Variants in TSPAN12 observed in about 807,000 individuals in gnomAD.
TSPAN12 encodes the protein tetraspanin 12, also known as tetraspanin-12.
TSPAN12 carries 19 observed loss-of-function variants against 39.2 expected under a neutral mutation model. The observed-to-expected ratio is 0.49, with a 90% CI of 0.34 to 0.71. The LOEUF (loss-of-function observed/expected upper bound fraction) is 0.71, where lower values mean the gene tolerates loss of function less well. Among genes scored for constraint, TSPAN12 ranks in the 30% least tolerant of loss-of-function variants. The pLI is 0.01. For synonymous variants in TSPAN12, 119 were observed against 124.8 expected, an observed-to-expected ratio of 0.95 and a Z score of 0.31; for missense variants, 314 against 359.9, an observed-to-expected ratio of 0.87 and a Z score of 1.03.
chr7:120,788,921 C>T (rs1793464754), intron 7 of TSPAN12, 24 bp from the exon 8 acceptor site: 8 of 1,612,782 alleles, frequency 5.0e-6, no homozygotes, highest in Non-Finnish European at 6.8e-6. Context: ...ACATGGTCAA[C>T]ATTACTTTAG....
chr7:120,835,864 G>A (rs1004070636), intron 4 of TSPAN12, among the ~76,000 whole-genome samples: 1 of 152,196 alleles, frequency 6.6e-6, no homozygotes, highest in Non-Finnish European at 1.5e-5. Flanking sequence ...TAAGAAGACA[G>A]CAAGAATAAA....
intron 2 of TSPAN12, among the ~76,000 whole-genome samples, chr7:120,841,869 T>C (rs1157284618): frequency 6.6e-6 from 1 of 152,150 alleles, no homozygotes; most frequent in Non-Finnish European, 1.5e-5. Flanking sequence ...TTTTCTACTT[T>C]GGTACATGTT....
chr7:120,823,076 A>G (rs1002952549), intron 4 of TSPAN12, among the ~76,000 whole-genome samples: 2 of 152,172 alleles, frequency 1.3e-5, no homozygotes, highest in Non-Finnish European at 2.9e-5. Context: ...AAATTTTCCT[A>G]TGAATGCTTT....
At chr7:120,837,788 C>T (rs796212341) in intron 4 of TSPAN12, among the ~76,000 whole-genome samples, 1 of 152,204 alleles carries the variant, frequency 6.6e-6, no homozygotes, top group Non-Finnish European at 1.5e-5. Flanking sequence ...CAGTCAAGCA[C>T]GAGTGTGTGG....
chr7:120,847,296 A>C (rs1006619574), intron 2 of TSPAN12, among the ~76,000 whole-genome samples: 2 of 152,066 alleles, frequency 1.3e-5, no homozygotes, highest in African/African-American at 4.8e-5. Context: ...AATTACTGCA[A>C]GTCACTTTAG....
intron 4 of TSPAN12, 104 bp downstream of exon 4, chr7:120,838,670 ATGT>A: frequency 8.6e-7 from 1 of 1,168,560 alleles, no homozygotes; most frequent in Non-Finnish European, 1.2e-6. Context: ...TTCTTACAGG[ATGT>A]TGTTACTGCT....
At chr7:120,832,145 G>T (rs936206620) in intron 4 of TSPAN12, among the ~76,000 whole-genome samples, 1 of 151,890 alleles carries the variant, frequency 6.6e-6, no homozygotes, top group African/African-American at 2.4e-5. Context: ...CCTCAGCAAG[G>T]TTTACTGATT....
At chr7:120,827,497 AAAATGATGTAT>A (rs1212316546) in intron 4 of TSPAN12, among the ~76,000 whole-genome samples, 1 of 152,222 alleles carries the variant, frequency 6.6e-6, no homozygotes, top group African/African-American at 2.4e-5. Flanking sequence ...TCAGAGAAGA[AAAATGATGTAT>A]AAACAACGAT....
At chr7:120,832,842 A>G (rs558555346) in intron 4 of TSPAN12, among the ~76,000 whole-genome samples, 2 of 152,288 alleles carry the variant, frequency 1.3e-5, no homozygotes, top group South Asian at 4.1e-4. Context: ...TAGAAATTTT[A>G]AAGTTCATTT....
chr7:120,837,378 C>T (rs1419709997), intron 4 of TSPAN12, among the ~76,000 whole-genome samples: 5 of 148,410 alleles, frequency 3.4e-5, no homozygotes, highest in Non-Finnish European at 7.4e-5. Flanking sequence ...GTGACGTGAT[C>T]TCGGCTCACT....
chr7:120,845,078 T>C (rs1794647153), intron 2 of TSPAN12, among the ~76,000 whole-genome samples: 1 of 152,192 alleles, frequency 6.6e-6, no homozygotes, highest in South Asian at 2.1e-4. Flanking sequence ...CCTAGGCTAA[T>C]GGCTTGCATC....
At chr7:120,820,800 A>G (rs933845508) in intron 4 of TSPAN12, among the ~76,000 whole-genome samples, 23 of 152,146 alleles carry the variant, frequency 1.5e-4, no homozygotes, top group Admixed American at 1.3e-4. Flanking sequence ...AACTAAGACC[A>G]ATTTCAGTAT....
In TSPAN12 at chr7:120,815,112, T is replaced by C. The variant is rs538382786; in HGVS notation, c.360+617A>G. Among the ~76,000 whole-genome samples, 4 of 152,352 alleles carry C rather than the reference T, an allele frequency of 2.6e-5. No individual in the cohort carries two copies. The South Asian group carries it at 8.3e-4, about 32-fold the overall frequency. The stretch of plus-strand genomic sequence containing the variant: ...TATATTTAGTCTATGATACCCATGT[T>C]TAAGCAGCCTGTGGAATTAAAGACA... On this transcript the variant is annotated intron_variant, in intron 5 of 7. Transcript: ENST00000222747.
chr7:120,845,624 G>C (rs1244264816), intron 2 of TSPAN12, among the ~76,000 whole-genome samples: 1 of 152,192 alleles, frequency 6.6e-6, no homozygotes. Context: ...GGGGAACAAT[G>C]CCACAAGTCT....
intron 2 of TSPAN12, among the ~76,000 whole-genome samples, chr7:120,855,794 C>G (rs552207238): frequency 6.6e-6 from 1 of 152,212 alleles, no homozygotes; most frequent in Admixed American, 6.5e-5. Context: ...TGGGCAATGC[C>G]AGCCAGTCAG....
At chr7:120,833,543 CAAT>C (rs1159525089) in intron 4 of TSPAN12, among the ~76,000 whole-genome samples, 1 of 152,008 alleles carries the variant, frequency 6.6e-6, no homozygotes, top group Non-Finnish European at 1.5e-5. Context: ...AGCACACAAT[CAAT>C]AGTTATATTC....
At chr7:120,791,314 G>A (rs1486536258) in intron 7 of TSPAN12, among the ~76,000 whole-genome samples, 4 of 151,626 alleles carry the variant, frequency 2.6e-5, no homozygotes, top group Non-Finnish European at 4.4e-5. Context: ...GGGCAACAGA[G>A]GGAGACCTTG....
At chr7:120,805,025 T>C (rs1204175824) in intron 7 of TSPAN12, among the ~76,000 whole-genome samples, 2 of 152,072 alleles carry the variant, frequency 1.3e-5, no homozygotes, top group Admixed American at 6.6e-5. Context: ...CAGAACACTG[T>C]GACAATAAAT....
chr7:120,809,717 G>C (rs1379804753), intron 6 of TSPAN12, among the ~76,000 whole-genome samples: 1 of 152,118 alleles, frequency 6.6e-6, no homozygotes, highest in Non-Finnish European at 1.5e-5. Context: ...CAAGATCAAT[G>C]GTTAACTCCA....
Sources: gnomAD v4.1 joint callset for allele counts (sites outside exome capture counted in the v4.1 genomes callset) on GRCh38, gnomAD v4.1.1 for gene constraint, MANE v1.5 for transcripts, NCBI Gene and HGNC (gene_info 2026-07-23, HGNC 2026-07-21) for gene names.